The following BICD1 variants were observed in gnomAD, a reference collection of about 807,000 sequenced individuals.
BICD1 encodes the protein protein bicaudal D homolog 1.
Under a neutral mutation model 92.5 loss-of-function variants are expected in BICD1, and 35 were observed. The ratio of observed to expected loss-of-function variants is 0.38; its 90% CI spans 0.29 to 0.50. The LOEUF is 0.50. Among genes scored for constraint, BICD1 ranks in the 20% least tolerant of loss-of-function variants. The probability of loss-of-function intolerance (pLI) is 0.93; values close to 1 mark genes in which losing one functional copy is unlikely to be tolerated. For missense variants in BICD1, 950 were observed against 1,189.8 expected, an observed-to-expected ratio of 0.80 and a Z score of 2.97; for synonymous variants, 429 against 465.1, an observed-to-expected ratio of 0.92 and a Z score of 1.00.
At chr12:32,216,590 G>A (rs1157896260) in intron 2 of BICD1, 131 bp downstream of exon 2, 4 of 863,886 alleles carry the variant, frequency 4.6e-6, no homozygotes, top group Non-Finnish European at 6.9e-6. Context: ...CTAATACTGA[G>A]CTAGCAACTT....
intron 9 of BICD1, among the ~76,000 whole-genome samples, chr12:32,368,968 G>T (rs1939629344): frequency 6.6e-6 from 1 of 152,190 alleles, no homozygotes; most frequent in African/African-American, 2.4e-5. Context: ...AAGTGTTTCT[G>T]TGTTTCTGTT....
intron 4 of BICD1, among the ~76,000 whole-genome samples, chr12:32,323,660 C>T (rs1948708461): frequency 6.6e-6 from 1 of 152,142 alleles, no homozygotes; most frequent in Admixed American, 6.6e-5. Context: ...GTCATAAAAT[C>T]AGAGCTACAA....
intron 2 of BICD1, among the ~76,000 whole-genome samples, chr12:32,263,416 G>A (rs2608398): frequency 2.0e-5 from 3 of 151,752 alleles, no homozygotes; most frequent in Non-Finnish European, 4.4e-5. Context: ...GTGTGGTGGT[G>A]GGCACCTGTA....
In BICD1 at chr12:32,383,469, G is replaced by C. The variant is rs1419785551; in HGVS notation, c.*5842G>C. ...ACACATGATATGTGCTTGTATTTGT[G>C]TAATCTGATCATGCACTCAATGGTT... On this transcript the variant is annotated 3_prime_UTR_variant, in exon 10 of 10. Coordinates refer to ENST00000652176, the MANE Select transcript of BICD1 (RefSeq NM_001714.4). 1 of 152,072 alleles carries C rather than the reference G, an allele frequency of 6.6e-6. No homozygotes were observed. Among genetic ancestry groups the C allele is most frequent in the East Asian group, 1.9e-4 (1 of 5,198 alleles). The allele number at this position is 152,072 out of a possible 1,614,324, so 9.4% of individuals were successfully genotyped here.
chr12:32,338,634 A>C, intron 7 of BICD1, 152 bp from the exon 8 acceptor site: 1 of 632,054 alleles, frequency 1.6e-6, no homozygotes, highest in Non-Finnish European at 2.5e-6. Flanking sequence ...CCTGATGTGG[A>C]AACTAAAAAA....
intron 1 of BICD1, among the ~76,000 whole-genome samples, chr12:32,169,388 GGAGA>G (rs1268540804): frequency 6.6e-6 from 1 of 152,128 alleles, no homozygotes; most frequent in Admixed American, 6.5e-5. Context: ...TCTGAGGAGG[GGAGA>G]GAGTGAAAGG....
chr12:32,179,775 G>A (rs534329859), intron 1 of BICD1, among the ~76,000 whole-genome samples: 1 of 151,890 alleles, frequency 6.6e-6, no homozygotes, highest in East Asian at 1.9e-4. Flanking sequence ...CAGATCACTT[G>A]AGGTCAGGAG....
chr12:32,219,139 C>A (rs1217180437), intron 2 of BICD1, among the ~76,000 whole-genome samples: 1 of 152,060 alleles, frequency 6.6e-6, no homozygotes, highest in Non-Finnish European at 1.5e-5. Context: ...ATAACCAACC[C>A]AAAATATAGT....
intron 2 of BICD1, among the ~76,000 whole-genome samples, chr12:32,280,098 C>CTAAATAAATAAA (rs61445099): frequency 2.2e-3 from 327 of 150,514 alleles, no homozygotes; most frequent in African/African-American, 6.7e-3. Flanking sequence ...AACTGCATCT[C>CTAAATAAATAAA]TAAATAAATA....
intron 8 of BICD1, 173 bp downstream of exon 8, chr12:32,339,152 C>G: frequency 7.5e-7 from 1 of 1,331,056 alleles, no homozygotes; most frequent in Non-Finnish European, 9.5e-7. Context: ...TCCTCCTTCA[C>G]TCATATTCCT....
chr12:32,195,964 A>G (rs1199319737), intron 1 of BICD1, among the ~76,000 whole-genome samples: 2 of 152,214 alleles, frequency 1.3e-5, no homozygotes, highest in Non-Finnish European at 2.9e-5. Flanking sequence ...CATAAAGCCC[A>G]ATTTAAAAAC....
chr12:32,178,490 A>G (rs1320551268), intron 1 of BICD1, among the ~76,000 whole-genome samples: 1 of 151,918 alleles, frequency 6.6e-6, no homozygotes, highest in Non-Finnish European at 1.5e-5. Context: ...GCTGGGTTCT[A>G]AGCTACAGTT....
At chr12:32,339,986 C>A in intron 8 of BICD1, 1 of 848,782 alleles carries the variant, frequency 1.2e-6, no homozygotes, top group Non-Finnish European at 1.4e-6. Context: ...CGCACTTTGC[C>A]ACAGTCACCA....
chr12:32,358,531 G>A (rs545029190), intron 8 of BICD1, among the ~76,000 whole-genome samples: 39 of 152,158 alleles, frequency 2.6e-4, no homozygotes, highest in African/African-American at 9.1e-4. Flanking sequence ...GAGGTCAAGA[G>A]ATGGAGACCA....
At chr12:32,228,271 A>G (rs1945764744) in intron 2 of BICD1, 1 of 152,300 alleles carries the variant, frequency 6.6e-6, no homozygotes, top group Non-Finnish European at 1.5e-5. Flanking sequence ...CCAATTGTCC[A>G]TTTGTTGAAA....
chr12:32,113,973 G>A (rs913841494), intron 1 of BICD1, among the ~76,000 whole-genome samples: 7 of 152,076 alleles, frequency 4.6e-5, no homozygotes, highest in Admixed American at 6.6e-5. Flanking sequence ...CCGGGTTCAA[G>A]TGATTCTCCT....
chr12:32,168,556 G>A (rs992542765), intron 1 of BICD1, among the ~76,000 whole-genome samples: 10 of 152,180 alleles, frequency 6.6e-5, no homozygotes, highest in African/African-American at 2.2e-4. Flanking sequence ...AACAGCGGTC[G>A]ATCACTGATA....
At chr12:32,295,777 C>A (rs1239581) in intron 3 of BICD1, among the ~76,000 whole-genome samples, 2 of 151,304 alleles carry the variant, frequency 1.3e-5, no homozygotes, top group East Asian at 3.9e-4. Flanking sequence ...CTCAGCCTCC[C>A]GAGTAGCTGG....
Position 32,338,842 on chromosome 12 carries a change from A to G in BICD1, c.2627A>G (p.Tyr876Cys). Reference sequence around the variant, plus strand: ...CGTCCCAGGACTTCAGGGGCTTCCTACCTACAGAATTTATTAAGAGTTCCC... The same window carrying G: ...CGTCCCAGGACTTCAGGGGCTTCCTGCCTACAGAATTTATTAAGAGTTCCC... ...QSRPRTSGAS[Y>C]LQNLLRVPPD... is the part of the protein sequence containing the mutation. The change falls in exon 8 of 10, where the codon TAC (tyrosine) becomes TGC (cysteine). Residue 876 changes from tyrosine (Y) to cysteine (C), a missense_variant. Tyr to Cys is a radical substitution (Grantham distance 194). Coordinates refer to ENST00000652176, the MANE Select transcript of BICD1 (RefSeq NM_001714.4). The G allele has an allele frequency of 1.2e-6, 2 of 1,605,392 alleles. No homozygotes were observed. The highest frequency in any genetic ancestry group is 1.7e-6 in the Non-Finnish European group (2 of 1,176,374).
Sources: allele counts gnomAD v4.1 joint callset (sites outside exome capture counted in the v4.1 genomes callset), GRCh38; gene constraint gnomAD v4.1.1; transcripts MANE v1.5; gene names NCBI Gene and HGNC (gene_info 2026-07-23, HGNC 2026-07-21).